The following TFIP11 variants were observed in gnomAD, a reference collection of about 807,000 sequenced individuals.
TFIP11 encodes tuftelin interacting protein 11, also known as tuftelin-interacting protein 11.
A neutral mutation model predicts 96.8 loss-of-function variants in TFIP11; 86 were observed. That is an observed-to-expected ratio of 0.89 (90% CI 0.75 to 1.06). The LOEUF is 1.06. TFIP11 is among the 50% of genes least tolerant of loss of function. The pLI is 0.00. For synonymous variants in TFIP11, 405 were observed against 395.2 expected, an observed-to-expected ratio of 1.02 and a Z score of -0.29; for missense variants, 881 against 1,076.7, an observed-to-expected ratio of 0.82 and a Z score of 2.54.
At chr22:26,512,054 T>C (rs1924135626) in intron 2 of TFIP11, 45 bp downstream of exon 2, 1 of 152,202 alleles carries the variant, frequency 6.6e-6, no homozygotes, top group Non-Finnish European at 1.5e-5. Flanking sequence ...TTAGTTTTCA[T>C]GCTTCAGATA....
At chr22:26,503,414 C>T (rs757469028) in intron 7 of TFIP11, among the ~76,000 whole-genome samples, 7 of 152,212 alleles carry the variant, frequency 4.6e-5, no homozygotes, top group Non-Finnish European at 7.3e-5. Flanking sequence ...TCCCAACCCC[C>T]AGCCTTATTT....
At position 26,499,124 on chromosome 22, in the gene TFIP11, T is replaced by C. The variant is rs1225970527; in HGVS notation, c.1309A>G (p.Lys437Glu). Residue 437 changes from lysine to glutamate, a missense_variant, in exon 9 of 15, where the codon AAG (lysine) becomes GAG (glutamate). Physicochemically the swap from Lys to Glu is moderately conservative, Grantham distance 56. Transcript: ENST00000407690. ...CTCACTTTGAGGGGATCCCACTCCT[T>C]GAAGTACTCCTTCATGAGTGGATAG... is the stretch of plus-strand genomic sequence containing the variant. ...IVYPLMKEYF[K>E]EWDPLKDCTY... The C allele has an allele frequency of 1.9e-6, 3 of 1,590,524 alleles. No individual in the cohort carries two copies. The highest frequency in any genetic ancestry group is 2.6e-6 in the Non-Finnish European group (3 of 1,164,966).
Position 26,498,887 on chromosome 22 carries a change from G to C in TFIP11, c.1418C>G (p.Ser473Ter), listed in dbSNP as rs1206182782. 6.2e-7 allele frequency: 1 copy of C among 1,613,910 alleles called. No homozygotes were observed. Among genetic ancestry groups the C allele is most frequent in the South Asian group, 1.1e-5 (1 of 91,056 alleles). ...QLLSHGGQDLSADAFHRLIWE... is the reference protein window; with the variant it reads ...QLLSHGGQDL ...GGTGTACCTGTGAAAGGCATCTGCT[G>C]AGAGGTCCTGTCCGCCATGGGACAA... The change falls in exon 10 of 15, where the codon TCA (serine) becomes TGA (stop). Residue 473 changes from serine (S) to a stop codon, truncating the protein, a stop_gained. Coordinates refer to ENST00000407690, the MANE Select transcript of TFIP11 (RefSeq NM_012143.4). LOFTEE classifies it high-confidence loss of function.
At chr22:26,500,969 C>T (rs1018656797) in intron 8 of TFIP11, among the ~76,000 whole-genome samples, 4 of 151,206 alleles carry the variant, frequency 2.6e-5, no homozygotes, top group Admixed American at 1.3e-4. Flanking sequence ...CTGCAAGCTC[C>T]GCCTCCTGAG....
rs754697623 is a variant in TFIP11, at chr22:26,499,405, T to C, written c.1028A>G (p.Gln343Arg). 35 of 1,614,036 alleles carry C rather than the reference T, an allele frequency of 2.2e-5. No individual in the cohort carries two copies. Among genetic ancestry groups the C allele is most frequent in the Non-Finnish European group, 2.9e-5 (34 of 1,180,002 alleles). The change falls in exon 9 of 15, where the codon CAG becomes CGG. Residue 343 changes from glutamine (Q) to arginine (R), a missense_variant. Transcript: ENST00000407690. ...QEIIQNDRQL[Q>R]YERDMVVNLF... ...GTTGACCACCATGTCCCGCTCATAC[T>C]GTAGCTGCCGGTCATTCTGGATGAT... is the stretch of plus-strand genomic sequence containing the variant.
At chr22:26,501,040 C>T (rs1416135916) in intron 8 of TFIP11, among the ~76,000 whole-genome samples, 4 of 152,086 alleles carry the variant, frequency 2.6e-5, no homozygotes, top group Admixed American at 2.6e-4. Context: ...CCCACCATCA[C>T]ATCCGGCTAA....
intron 13 of TFIP11, 124 bp downstream of exon 13, chr22:26,494,673 T>C: frequency 7.3e-7 from 1 of 1,379,026 alleles, no homozygotes; most frequent in Non-Finnish European, 9.9e-7. Context: ...ACCTAACTCA[T>C]TCCTACCCTA....
At chr22:26,494,452 TTATGAA>T in intron 13 of TFIP11, 148 bp from the exon 14 acceptor site, 2 of 969,382 alleles carry the variant, frequency 2.1e-6, no homozygotes, top group Non-Finnish European at 3.1e-6. Context: ...AGTCTAGCAC[TTATGAA>T]TATGGATTTT....
At chr22:26,505,002 G>A (rs1923228811) in intron 6 of TFIP11, among the ~76,000 whole-genome samples, 1 of 152,182 alleles carries the variant, frequency 6.6e-6, no homozygotes, top group South Asian at 2.1e-4. Flanking sequence ...CTTGAACCCA[G>A]GAGGTGGAAG....
chr22:26,512,037 G>A (rs1249049521), intron 2 of TFIP11, 62 bp downstream of exon 2: 4 of 152,128 alleles, frequency 2.6e-5, no homozygotes, highest in Non-Finnish European at 5.9e-5. Flanking sequence ...CTGCAAGGTA[G>A]GTACCGTTAG....
Position 26,496,292 on chromosome 22 carries a change from CTG to C in TFIP11, c.1628_1629del (p.Thr543ArgfsTer29), listed in dbSNP as rs1922037146. On this transcript the variant is annotated frameshift_variant, in exon 12 of 15. Transcript: ENST00000407690. LOFTEE classifies it high-confidence loss of function. ...QKEVENWNPL[T>X]DTVPIHSWIH... ...ATCCAAGAGTGGATGGGAACAGTGT[CTG>C]TGAGCGGGTTCCAGTTTTCCACCTG... 2 of 1,602,044 alleles carry C rather than the reference CTG, an allele frequency of 1.2e-6. No individual in the cohort carries two copies. The highest frequency in any genetic ancestry group is 1.7e-6 in the Non-Finnish European group (2 of 1,171,054).
At chr22:26,509,830 T>G (rs1923835817) in intron 4 of TFIP11, among the ~76,000 whole-genome samples, 1 of 152,122 alleles carries the variant, frequency 6.6e-6, no homozygotes, top group Non-Finnish European at 1.5e-5. Flanking sequence ...CACTCCAACC[T>G]GGGCAACAAA....
In TFIP11 at chr22:26,499,166, G is replaced by C. The variant is rs1283015213; in HGVS notation, c.1267C>G (p.Leu423Val). The C allele has an allele frequency of 6.2e-7, 1 of 1,606,956 alleles. No individual in the cohort carries two copies. The highest frequency in any genetic ancestry group is 1.7e-5 in the Admixed American group (1 of 59,600). Residue 423 changes from leucine to valine, a missense_variant, in exon 9 of 15, where the codon CTT becomes GTT. Leu to Val is a conservative substitution (Grantham distance 32). Coordinates refer to ENST00000407690, the MANE Select transcript of TFIP11 (RefSeq NM_012143.4). The part of the protein sequence containing the change: ...EEYRMSDRVD[L>V]AVAIVYPLMK... Reference sequence around the variant, plus strand: ...AGTGGATAGACGATGGCCACAGCAAGGTCCACACGGTCGGACATCCTGTAC... The same window carrying C: ...AGTGGATAGACGATGGCCACAGCAACGTCCACACGGTCGGACATCCTGTAC...
At chr22:26,494,375 T>G in intron 13 of TFIP11, 71 bp from the exon 14 acceptor site, 2 of 1,581,418 alleles carry the variant, frequency 1.3e-6, no homozygotes, top group Non-Finnish European at 1.7e-6. Context: ...AGTGGCCATT[T>G]GTTTTGTTTT....
At chr22:26,500,910 G>A (rs1252909075) in intron 8 of TFIP11, among the ~76,000 whole-genome samples, 1 of 133,522 alleles carries the variant, frequency 7.5e-6, no homozygotes, top group African/African-American at 2.8e-5. Context: ...TTGAGACGGA[G>A]TCTCGCTCTG....
At chr22:26,503,848 A>G (rs1415164717) in intron 6 of TFIP11, 55 bp from the exon 7 acceptor site, 1 of 1,596,274 alleles carries the variant, frequency 6.3e-7, no homozygotes, top group African/African-American at 1.3e-5. Flanking sequence ...CAATTCATGT[A>G]TGTGAATCAG....
At position 26,506,174 on chromosome 22, in the gene TFIP11, T is replaced by C. The variant is rs564075127; in HGVS notation, c.520+129A>G. On this transcript the variant is annotated intron_variant, in intron 6 of 14. Coordinates refer to ENST00000407690, the MANE Select transcript of TFIP11 (RefSeq NM_012143.4). ...AAGGTAGCTTAGGAACGCAAATGTCTTGTGCTGGCAAACCAGGCTGGAGAG... is the reference window on the plus strand; with the variant it reads ...AAGGTAGCTTAGGAACGCAAATGTCCTGTGCTGGCAAACCAGGCTGGAGAG... The C allele has an allele frequency of 2.9e-5, 29 of 1,000,954 alleles. No homozygotes were observed. In the South Asian group the frequency reaches 5.2e-4, roughly 18 times the overall value. The allele number at this position is 1,000,954 out of a possible 1,614,324, so 62.0% of individuals were successfully genotyped here. A position where few individuals can be genotyped will look rare whatever the true frequency, so the allele number is the denominator to read the frequency against.
At position 26,494,867 on chromosome 22, in the gene TFIP11, C is replaced by T; in HGVS notation, c.1922G>A (p.Trp641Ter). The change falls in exon 13 of 15, where the codon TGG becomes TAG. Residue 641 changes from tryptophan to a stop codon, truncating the protein, a stop_gained. Transcript: ENST00000407690. LOFTEE classifies it high-confidence loss of function. Reference sequence around the variant, plus strand: ...GCTAGAGACAGAGATCATCCCTTCCCAGTCAATCACCCAATAGAATGCATC... The same window carrying T: ...GCTAGAGACAGAGATCATCCCTTCCTAGTCAATCACCCAATAGAATGCATC... Reference protein sequence around the residue: ...HMDAFYWVIDWEGMISVSSLV... With the variant: ...HMDAFYWVID The T allele has an allele frequency of 6.2e-7, 1 of 1,614,214 alleles. No individual in the cohort carries two copies. The highest frequency in any genetic ancestry group is 1.3e-5 in the African/African-American group (1 of 75,044).
rs1921225194 is a variant in TFIP11, at chr22:26,491,823, G to A, written c.*190C>T. The stretch of plus-strand genomic sequence containing the variant: ...TTTTGAGGACGATACCCCACATGAG[G>A]ACTTGGTATAAAGATTCCTGCCCTA... On this transcript the variant is annotated 3_prime_UTR_variant, in exon 15 of 15. Coordinates refer to ENST00000407690, the MANE Select transcript of TFIP11 (RefSeq NM_012143.4). 2.2e-6 allele frequency: 2 copies of A among 916,024 alleles called. No individual in the cohort carries two copies. Among genetic ancestry groups the A allele is most frequent in the Non-Finnish European group, 3.2e-6 (2 of 619,982 alleles). 56.7% of individuals were successfully genotyped at this position (916,024 alleles called of 1,614,324 possible). A position where few individuals can be genotyped will look rare whatever the true frequency, so the allele number is the denominator to read the frequency against.
Sources: gnomAD v4.1 joint callset for allele counts (sites outside exome capture counted in the v4.1 genomes callset) on GRCh38, gnomAD v4.1.1 for gene constraint, MANE v1.5 for transcripts, NCBI Gene and HGNC (gene_info 2026-07-23, HGNC 2026-07-21) for gene names.